GSE1: variants seen among roughly 807,000 people sequenced by gnomAD.
GSE1 encodes Gse1 coiled-coil protein, also known as genetic suppressor element 1.
GSE1 carries 32 observed loss-of-function variants against 112.6 expected under a neutral mutation model. That is an observed-to-expected ratio of 0.28 (90% confidence interval 0.21 to 0.38). The LOEUF is 0.38. Ranked by LOEUF, GSE1 falls within the 10% of genes least tolerant of loss-of-function variation. The pLI, the probability that GSE1 is intolerant of heterozygous loss-of-function variation, is 1.00. For missense variants in GSE1, 2,348 were observed against 1,699.2 expected, an observed-to-expected ratio of 1.38 and a Z score of -6.71; for synonymous variants, 1,115 against 735.6, an observed-to-expected ratio of 1.52 and a Z score of -8.35.
At chr16:85,247,199 G>A (rs561843238) in intron 1 of GSE1, among the ~76,000 whole-genome samples, 3 of 152,142 alleles carry the variant, frequency 2.0e-5, no homozygotes, top group Non-Finnish European at 4.4e-5. Flanking sequence ...ATTTCGCCAC[G>A]GGCTGGATGC....
chr16:85,593,061 C>T (rs192457686), intron 1 of GSE1: 3 of 152,290 alleles, frequency 2.0e-5, no homozygotes, highest in African/African-American at 7.2e-5. Flanking sequence ...AAGGAATCAT[C>T]CTCTCTAGTC....
intron 1 of GSE1, among the ~76,000 whole-genome samples, chr16:85,249,871 T>C (rs1478526971): frequency 1.3e-5 from 2 of 152,202 alleles, no homozygotes; most frequent in Non-Finnish European, 2.9e-5. Flanking sequence ...TTGTCCTCCA[T>C]GAGGGCAGCA....
intron 2 of GSE1, among the ~76,000 whole-genome samples, chr16:85,411,207 AG>A (rs1373455690): frequency 1.3e-4 from 8 of 59,712 alleles, no homozygotes; most frequent in Admixed American, 8.7e-4. Flanking sequence ...TGTTACACTC[AG>A]GGCCCCCGGA....
At chr16:85,624,225 C>T (rs955910463) in intron 1 of GSE1, among the ~76,000 whole-genome samples, 1 of 152,214 alleles carries the variant, frequency 6.6e-6, no homozygotes, top group African/African-American at 2.4e-5. Flanking sequence ...GGGCACCTCT[C>T]ACCTGCCTGG....
chr16:85,641,087 G>A (rs2050405952), intron 2 of GSE1, among the ~76,000 whole-genome samples: 1 of 152,216 alleles, frequency 6.6e-6, no homozygotes, highest in African/African-American at 2.4e-5. Flanking sequence ...TGGAGGCAAG[G>A]CCTCCCCTAG....
chr16:85,347,874 G>A (rs2046774997), intron 1 of GSE1, among the ~76,000 whole-genome samples: 1 of 152,236 alleles, frequency 6.6e-6, no homozygotes, highest in Non-Finnish European at 1.5e-5. Flanking sequence ...GACAACCCCA[G>A]TGTCAACTGA....
chr16:85,615,549 G>A lies in GSE1; in HGVS notation c.7+2151G>A, dbSNP rs538477482. ...GAGCCTTGGGGGCGGTGCCGGGCCA[G>A]AGCTGGTGAGAGCCCGCCAGGAGCC... On this transcript the variant is annotated intron_variant, in intron 1 of 15. Transcript: ENST00000253458. Among the ~76,000 whole-genome samples, 75 of 152,334 alleles carry A rather than the reference G, an allele frequency of 4.9e-4. No homozygotes were observed. In the South Asian group the frequency reaches 5.0e-3, roughly 10 times the overall value.
chr16:85,386,052 G>A (rs2047681863), intron 2 of GSE1, among the ~76,000 whole-genome samples: 1 of 152,170 alleles, frequency 6.6e-6, no homozygotes, highest in Non-Finnish European at 1.5e-5. Context: ...CGTGGCCATG[G>A]GATAGCGGCG....
At chr16:85,456,421 G>A (rs1441127007) in intron 2 of GSE1, among the ~76,000 whole-genome samples, 1 of 152,148 alleles carries the variant, frequency 6.6e-6, no homozygotes, top group Non-Finnish European at 1.5e-5. Context: ...CTGCCTTCCA[G>A]ATTATGCTCT....
chr16:85,664,895 T>C, intron 11 of GSE1, 120 bp from the exon 12 acceptor site: 2 of 671,340 alleles, frequency 3.0e-6, no homozygotes. Context: ...TCACACCTGC[T>C]TTTGGTTTTT....
chr16:85,445,033 C>T (rs545590589), intron 2 of GSE1, among the ~76,000 whole-genome samples: 3 of 152,380 alleles, frequency 2.0e-5, no homozygotes, highest in African/African-American at 7.2e-5. Flanking sequence ...CCGCCGCACG[C>T]AGGCAGGGGA....
chr16:85,321,049 G>A (rs1021437085), intron 1 of GSE1, among the ~76,000 whole-genome samples: 2 of 152,102 alleles, frequency 1.3e-5, no homozygotes, highest in African/African-American at 2.4e-5. Flanking sequence ...TATTTAGGTC[G>A]CCTTAGTTTC....
At chr16:85,391,243 A>AT (rs1273180214) in intron 2 of GSE1, among the ~76,000 whole-genome samples, 4 of 152,262 alleles carry the variant, frequency 2.6e-5, no homozygotes, top group Admixed American at 6.5e-5. Flanking sequence ...GTGCAAACAC[A>AT]TTCGGGCATT....
At chr16:85,286,121 C>T (rs2045017488) in intron 1 of GSE1, among the ~76,000 whole-genome samples, 3 of 152,250 alleles carry the variant, frequency 2.0e-5, no homozygotes, top group Admixed American at 2.0e-4. Flanking sequence ...CGCATGTGTG[C>T]CTCTTGCCCA....
intron 2 of GSE1, among the ~76,000 whole-genome samples, chr16:85,367,575 C>G (rs2047210556): frequency 6.6e-6 from 1 of 152,162 alleles, no homozygotes; most frequent in Non-Finnish European, 1.5e-5. Context: ...CGGGTGGTCG[C>G]AGAGGCCTAA....
Position 85,657,534 on chromosome 16 carries a change from G to A in GSE1, c.1570G>A (p.Glu524Lys), listed in dbSNP as rs747368161. ...GTCCGAGTTCCGGCAGCAGGTGCTG[G>A]AGCAGCACCTGGATATGGGCCGGCC... Reference protein sequence around the residue: ...QVSEFRQQVLEQHLDMGRPPV... With the variant: ...QVSEFRQQVLKQHLDMGRPPV... The change falls in exon 8 of 16, where the codon GAG becomes AAG. Residue 524 changes from glutamate (E) to lysine (K), a missense_variant. By Grantham distance (56) the Glu-to-Lys change is moderately conservative. Coordinates refer to ENST00000253458, the MANE Select transcript of GSE1 (RefSeq NM_014615.5). The A allele has an allele frequency of 6.2e-7, 1 of 1,602,788 alleles. No individual in the cohort carries two copies. Among genetic ancestry groups the A allele is most frequent in the Non-Finnish European group, 8.5e-7 (1 of 1,174,688 alleles).
At chr16:85,520,148 G>A (rs997898973) in intron 2 of GSE1, among the ~76,000 whole-genome samples, 2 of 152,234 alleles carry the variant, frequency 1.3e-5, no homozygotes, top group East Asian at 3.8e-4. Context: ...GGCAGATGAG[G>A]TGTTTGGTGA....
At chr16:85,516,842 G>C (rs1484912504) in intron 2 of GSE1, among the ~76,000 whole-genome samples, 3 of 141,356 alleles carry the variant, frequency 2.1e-5, no homozygotes, top group East Asian at 2.1e-4. Flanking sequence ...CTATCGCCCA[G>C]GCTGGAGTGC....
chr16:85,302,611 C>T (rs1252430423), intron 1 of GSE1, among the ~76,000 whole-genome samples: 2 of 152,188 alleles, frequency 1.3e-5, no homozygotes, highest in Admixed American at 1.3e-4. Context: ...ATCACCAGGG[C>T]TGCTGGTTTA....
Sources: allele counts gnomAD v4.1 joint callset (sites outside exome capture counted in the v4.1 genomes callset), GRCh38; gene constraint gnomAD v4.1.1; transcripts MANE v1.5; gene names NCBI Gene and HGNC (gene_info 2026-07-23, HGNC 2026-07-21).